Variants in DLG2 observed in about 807,000 individuals in gnomAD.
The protein encoded by DLG2 is disks large homolog 2.
Under a neutral mutation model 132.5 loss-of-function variants are expected in DLG2, and 45 were observed. That is an observed-to-expected ratio of 0.34 (90% CI 0.27 to 0.44). DLG2 has a LOEUF of 0.44. Ranked by LOEUF, DLG2 falls within the 20% of genes least tolerant of loss-of-function variation. The probability of loss-of-function intolerance (pLI) is 1.00; values close to 1 mark genes in which losing one functional copy is unlikely to be tolerated. For synonymous variants in DLG2, 424 were observed against 419.6 expected (o/e 1.01, Z -0.13); for missense variants, 1,045 against 1,196.9 (o/e 0.87, Z 1.87).
intron 6 of DLG2, among the ~76,000 whole-genome samples, chr11:84,800,895 A>G (rs556180344): frequency 1.3e-5 from 2 of 152,328 alleles, no homozygotes; most frequent in African/African-American, 2.4e-5. Flanking sequence ...TTTACAAATA[A>G]CATGATTTAT....
intron 17 of DLG2, chr11:83,790,392 C>T (rs1283403048): frequency 1.0e-5 from 10 of 961,948 alleles, no homozygotes; most frequent in Non-Finnish European, 1.5e-5. Flanking sequence ...GCTAGCTTCC[C>T]TTCTGCCTCC....
intron 6 of DLG2, among the ~76,000 whole-genome samples, chr11:85,086,010 T>A (rs1178220728): frequency 2.0e-5 from 3 of 152,182 alleles, no homozygotes; most frequent in Non-Finnish European, 4.4e-5. Context: ...TAGTTCATAA[T>A]GTCTTTATCC....
At chr11:84,273,140 A>G (rs954599544) in intron 7 of DLG2, 1 of 1,503,690 alleles carries the variant, frequency 6.7e-7, no homozygotes, top group African/African-American at 1.4e-5. Context: ...ATAAAAGAAA[A>G]TTTTCCTTAC....
chr11:85,180,737 G>T (rs2079632180), intron 4 of DLG2, among the ~76,000 whole-genome samples: 1 of 151,828 alleles, frequency 6.6e-6, no homozygotes, highest in African/African-American at 2.4e-5. Context: ...GCCACCTACA[G>T]ACTAAATCTC....
intron 17 of DLG2, among the ~76,000 whole-genome samples, chr11:83,825,023 T>G (rs537352600): frequency 2.6e-5 from 4 of 151,210 alleles, no homozygotes; most frequent in Admixed American, 2.6e-4. Context: ...GCCCACAGAT[T>G]TTATTGTTTT....
chr11:84,115,582 C>T (rs1595569939), intron 9 of DLG2, among the ~76,000 whole-genome samples: 2 of 152,278 alleles, frequency 1.3e-5, no homozygotes, highest in Admixed American at 1.3e-4. Flanking sequence ...ATCATGTCCC[C>T]TTTTATGGTC....
chr11:83,865,972 G>C (rs1232744264), intron 16 of DLG2, among the ~76,000 whole-genome samples: 2 of 152,060 alleles, frequency 1.3e-5, no homozygotes, highest in African/African-American at 4.8e-5. Context: ...TCTTTGCCTA[G>C]TCAAGGTCTA....
At chr11:83,686,643 C>T (rs1393688843) in intron 18 of DLG2, among the ~76,000 whole-genome samples, 1 of 152,142 alleles carries the variant, frequency 6.6e-6, no homozygotes, top group Non-Finnish European at 1.5e-5. Context: ...CTTCTTAGTC[C>T]TATATCCTTA....
intron 15 of DLG2, among the ~76,000 whole-genome samples, chr11:83,901,246 G>T (rs1449034839): frequency 6.6e-6 from 1 of 152,170 alleles, no homozygotes; most frequent in Non-Finnish European, 1.5e-5. Context: ...GTGGACTTTT[G>T]AGTTAATACT....
intron 6 of DLG2, among the ~76,000 whole-genome samples, chr11:84,954,041 T>G (rs570483455): frequency 6.6e-6 from 1 of 152,232 alleles, no homozygotes; most frequent in African/African-American, 2.4e-5. Flanking sequence ...CACATTTACC[T>G]TTCCGCTTGA....
At chr11:85,618,758 A>G (rs1345198004) in intron 2 of DLG2, among the ~76,000 whole-genome samples, 1 of 152,224 alleles carries the variant, frequency 6.6e-6, no homozygotes, top group Non-Finnish European at 1.5e-5. Flanking sequence ...GAAAAAGTTG[A>G]AGTTTTTTAA....
At chr11:83,931,001 G>C (rs1005457167) in intron 14 of DLG2, among the ~76,000 whole-genome samples, 5 of 152,108 alleles carry the variant, frequency 3.3e-5, no homozygotes, top group Non-Finnish European at 7.3e-5. Context: ...CTTCTATGTG[G>C]ATAAAGATAA....
chr11:84,611,249 A>T (rs1377591626), intron 6 of DLG2, among the ~76,000 whole-genome samples: 1 of 152,176 alleles, frequency 6.6e-6, no homozygotes, highest in Non-Finnish European at 1.5e-5. Flanking sequence ...GTCAGCAAAC[A>T]TTTATTTTAT....
chr11:84,609,600 C>A (rs963472987), intron 6 of DLG2, among the ~76,000 whole-genome samples: 3 of 152,040 alleles, frequency 2.0e-5, no homozygotes, highest in South Asian at 4.1e-4. Context: ...GATTAACACA[C>A]CTCTGCCATA....
At chr11:84,252,328 T>A (rs1214011598) in intron 7 of DLG2, among the ~76,000 whole-genome samples, 1 of 151,650 alleles carries the variant, frequency 6.6e-6, no homozygotes, top group Non-Finnish European at 1.5e-5. Context: ...TTTTTGTATT[T>A]TTAGTACAGA....
intron 6 of DLG2, among the ~76,000 whole-genome samples, chr11:84,835,696 C>A (rs73514970): frequency 1.3e-5 from 2 of 151,484 alleles, no homozygotes; most frequent in Non-Finnish European, 3.0e-5. Context: ...TATATTTTTA[C>A]GAATGAAAAC....
At chr11:84,703,866 A>ATATATATATATATATATATATG (rs1356758303) in intron 6 of DLG2, among the ~76,000 whole-genome samples, 27 of 118,340 alleles carry the variant, frequency 2.3e-4, no homozygotes, top group African/African-American at 1.2e-3. Flanking sequence ...AGATATATAT[A>ATATATATATATATATATATATG]TATATATATA....
chr11:83,990,744 G>A (rs1342779237), intron 11 of DLG2, among the ~76,000 whole-genome samples: 2 of 152,098 alleles, frequency 1.3e-5, no homozygotes, highest in Admixed American at 6.6e-5. Flanking sequence ...AGAGCTCTGG[G>A]CCATCTCTAA....
chr11:84,408,088 T>A (rs1266654221), intron 7 of DLG2, among the ~76,000 whole-genome samples: 4 of 152,126 alleles, frequency 2.6e-5, no homozygotes, highest in Admixed American at 2.6e-4. Flanking sequence ...TATTTTAAAA[T>A]TTTTATTCAG....
Sources: gnomAD v4.1 joint callset for allele counts (sites outside exome capture counted in the v4.1 genomes callset) on GRCh38, gnomAD v4.1.1 for gene constraint, MANE v1.5 for transcripts, NCBI Gene and HGNC (gene_info 2026-07-23, HGNC 2026-07-21) for gene names.